Variants in KLF12 observed in about 807,000 individuals in gnomAD.
KLF12 encodes the protein Krueppel-like factor 12.
A neutral mutation model predicts 37.8 loss-of-function variants in KLF12; 9 were observed. The observed-to-expected ratio is 0.24, with a 90% CI of 0.14 to 0.42. The LOEUF is 0.42. Among genes scored for constraint, KLF12 ranks in the 10% least tolerant of loss-of-function variants. The pLI is 1.00. For missense variants in KLF12, 411 were observed against 516.0 expected (o/e 0.80, Z 1.97); for synonymous variants, 208 against 202.1 (o/e 1.03, Z -0.25).
At chr13:74,214,910 T>C in the KLF12 span, among the ~76,000 whole-genome samples, 1 of 152,224 alleles carries the variant, frequency 6.6e-6, no homozygotes, top group East Asian at 1.9e-4. Context: ...TTCTCCTGCT[T>C]CAACCTCTTG....
chr13:74,098,225 A>G (rs547832236), intron 1 of KLF12, among the ~76,000 whole-genome samples: 100 of 152,294 alleles, frequency 6.6e-4, no homozygotes, highest in South Asian at 5.4e-3. Context: ...TAGAATCTTG[A>G]ATTACACATT....
intron 2 of KLF12, among the ~76,000 whole-genome samples, chr13:73,978,365 C>T (rs1366748677): frequency 1.3e-5 from 2 of 152,036 alleles, no homozygotes; most frequent in African/African-American, 4.8e-5. Context: ...AAAAATATTC[C>T]ACATTATATG....
At chr13:73,765,681 G>T (rs1207347158) in intron 5 of KLF12, among the ~76,000 whole-genome samples, 1 of 152,090 alleles carries the variant, frequency 6.6e-6, no homozygotes, top group African/African-American at 2.4e-5. Context: ...AAGCTTCCGG[G>T]AACTGCTGTT....
chr13:73,755,546 T>C (rs912984674), intron 6 of KLF12, among the ~76,000 whole-genome samples: 11 of 152,178 alleles, frequency 7.2e-5, no homozygotes, highest in African/African-American at 2.7e-4. Flanking sequence ...TAGGTGGTAG[T>C]AAGAGATTCC....
the KLF12 span, among the ~76,000 whole-genome samples, chr13:74,272,219 G>A: frequency 5.8e-4 from 89 of 152,206 alleles, no homozygotes; most frequent in African/African-American, 2.0e-3. Context: ...CAATTTAACA[G>A]CTGATTTCAA....
At chr13:73,792,938 A>G (rs1157074214) in intron 5 of KLF12, among the ~76,000 whole-genome samples, 1 of 152,224 alleles carries the variant, frequency 6.6e-6, no homozygotes, top group Non-Finnish European at 1.5e-5. Flanking sequence ...TGGAGAGGGC[A>G]CATGCTGAAC....
chr13:73,926,193 A>G (rs1396972399), intron 3 of KLF12, among the ~76,000 whole-genome samples: 1 of 152,212 alleles, frequency 6.6e-6, no homozygotes, highest in African/African-American at 2.4e-5. Flanking sequence ...TGCTACAGAG[A>G]AATCTTTTAT....
At chr13:73,719,591 C>T (rs1358667601) in intron 6 of KLF12, among the ~76,000 whole-genome samples, 1 of 151,716 alleles carries the variant, frequency 6.6e-6, no homozygotes, top group Non-Finnish European at 1.5e-5. Context: ...ACTCCTACGC[C>T]CATTTCCCCG....
At chr13:74,179,585 G>C in the KLF12 span, among the ~76,000 whole-genome samples, 1 of 152,166 alleles carries the variant, frequency 6.6e-6, no homozygotes, top group African/African-American at 2.4e-5. Flanking sequence ...CATTTGCTCA[G>C]TAATTTAACT....
chr13:74,138,171 G>A (rs1878613633), upstream of KLF12, among the ~76,000 whole-genome samples: 1 of 152,246 alleles, frequency 6.6e-6, no homozygotes, highest in Admixed American at 6.5e-5. Context: ...TTGGATTAGT[G>A]AAACCATAGA....
intron 3 of KLF12, among the ~76,000 whole-genome samples, chr13:73,909,721 C>A (rs144074877): frequency 6.6e-6 from 1 of 152,148 alleles, no homozygotes; most frequent in Non-Finnish European, 1.5e-5. Context: ...AACAAACTTA[C>A]GTTTGTTTAA....
chr13:74,139,250 T>G, the KLF12 span, among the ~76,000 whole-genome samples: 2 of 152,212 alleles, frequency 1.3e-5, no homozygotes, highest in African/African-American at 4.8e-5. Flanking sequence ...TCTACTTCCA[T>G]GAAGTATTGT....
At position 74,061,293 on chromosome 13, in the gene KLF12, A is replaced by G. The variant is rs115496606; in HGVS notation, c.-31-66240T>C. Among the ~76,000 whole-genome samples the G allele has an allele frequency of 4.1e-3, 625 of 152,284 alleles. 5 individuals carry two copies. The highest frequency in any genetic ancestry group is 0.01 in the African/African-American group (435 of 41,566). ...AGCCTAGGTCATGTAACACTGAGGG[A>G]GGAACTAGGTTTCAAACACAGATAG... On this transcript the variant is annotated intron_variant, in intron 1 of 7. Transcript: ENST00000377669.
At chr13:73,761,458 A>C (rs112841881) in intron 6 of KLF12, among the ~76,000 whole-genome samples, 2,341 of 152,314 alleles carry the variant, frequency 0.015, 26 homozygotes, top group South Asian at 0.039. Flanking sequence ...CAGAGATGGC[A>C]TCAGAGGAAT....
intron 3 of KLF12, among the ~76,000 whole-genome samples, chr13:73,934,082 G>T (rs1270272301): frequency 1.3e-5 from 2 of 152,062 alleles, no homozygotes; most frequent in Admixed American, 6.6e-5. Context: ...GATTACTCTA[G>T]AATGTACCAT....
At chr13:74,012,829 C>A (rs573504712) in intron 1 of KLF12, among the ~76,000 whole-genome samples, 1 of 152,170 alleles carries the variant, frequency 6.6e-6, no homozygotes, top group African/African-American at 2.4e-5. Context: ...CATATTATAT[C>A]TAACCACTCA....
chr13:74,189,760 A>G, the KLF12 span, among the ~76,000 whole-genome samples: 1 of 152,046 alleles, frequency 6.6e-6, no homozygotes, highest in Non-Finnish European at 1.5e-5. Flanking sequence ...TATGTTATAC[A>G]CTCTTTTCAC....
At chr13:74,238,716 GT>G in the KLF12 span, among the ~76,000 whole-genome samples, 7 of 150,998 alleles carry the variant, frequency 4.6e-5, no homozygotes, top group Admixed American at 2.6e-4. Context: ...AGATTTTCTA[GT>G]TTATTTGCAT....
intron 1 of KLF12, among the ~76,000 whole-genome samples, chr13:74,105,238 T>C (rs181151307): frequency 6.6e-6 from 1 of 152,314 alleles, no homozygotes; most frequent in African/African-American, 2.4e-5. Flanking sequence ...AATATTGACT[T>C]AGCAATTTCA....
Sources: allele counts gnomAD v4.1 joint callset (sites outside exome capture counted in the v4.1 genomes callset), GRCh38; gene constraint gnomAD v4.1.1; transcripts MANE v1.5; gene names NCBI Gene and HGNC (gene_info 2026-07-23, HGNC 2026-07-21).